Variants in RYR2 observed in about 807,000 individuals in gnomAD.
The protein encoded by RYR2 is ryanodine receptor 2.
A neutral mutation model predicts 601.1 loss-of-function variants in RYR2; 227 were observed. That is an observed-to-expected ratio of 0.38 (90% confidence interval 0.34 to 0.42). The LOEUF (loss-of-function observed/expected upper bound fraction) is 0.42. Ranked by LOEUF, RYR2 falls within the 10% of genes least tolerant of loss-of-function variation. RYR2 has a pLI of 1.00. For synonymous variants in RYR2, 2,223 were observed against 2,175.1 expected (o/e 1.02, Z -0.61); for missense variants, 4,646 against 6,156.5 (o/e 0.75, Z 8.21).
chr1:237,145,381 GC>G (rs1340254755), intron 1 of RYR2, among the ~76,000 whole-genome samples: 1 of 152,152 alleles, frequency 6.6e-6, no homozygotes, highest in African/African-American at 2.4e-5. Flanking sequence ...GAATATATAA[GC>G]ATATATCCAT....
chr1:237,359,319 G>T, intron 4 of RYR2, among the ~76,000 whole-genome samples: 1 of 152,156 alleles, frequency 6.6e-6, no homozygotes, highest in Non-Finnish European at 1.5e-5. Flanking sequence ...TCAAAATACA[G>T]TTCCTGCTGA....
At chr1:237,239,415 C>T (rs1029589894) in intron 1 of RYR2, among the ~76,000 whole-genome samples, 1 of 152,074 alleles carries the variant, frequency 6.6e-6, no homozygotes, top group Non-Finnish European at 1.5e-5. Flanking sequence ...CTTGAGGAGG[C>T]GGTGTCTGAT....
intron 1 of RYR2, among the ~76,000 whole-genome samples, chr1:237,263,406 C>T (rs751415711): frequency 1.4e-4 from 21 of 152,152 alleles, no homozygotes; most frequent in Non-Finnish European, 2.5e-4. Context: ...TGTTCCTGCT[C>T]TCACACAGAT....
At chr1:237,754,511 G>A (rs1195356144) in intron 80 of RYR2, among the ~76,000 whole-genome samples, 2 of 152,116 alleles carry the variant, frequency 1.3e-5, no homozygotes, top group African/African-American at 4.8e-5. Flanking sequence ...GTCTTTATGT[G>A]TTCTATTAGG....
intron 41 of RYR2, among the ~76,000 whole-genome samples, chr1:237,630,793 C>T (rs947416616): frequency 6.6e-6 from 1 of 152,072 alleles, no homozygotes; most frequent in South Asian, 2.1e-4. Flanking sequence ...AATGATAATA[C>T]GAGACATTTT....
chr1:237,596,795 A>G (rs1018974947), intron 34 of RYR2, among the ~76,000 whole-genome samples: 1 of 152,228 alleles, frequency 6.6e-6, no homozygotes, highest in Non-Finnish European at 1.5e-5. Flanking sequence ...TTGGATTTCC[A>G]TTTGACTATC....
intron 1 of RYR2, among the ~76,000 whole-genome samples, chr1:237,165,860 G>A (rs377574417): frequency 6.6e-6 from 1 of 152,036 alleles, no homozygotes; most frequent in African/African-American, 2.4e-5. Context: ...AAATTAGCCA[G>A]GCCTGGTGGC....
At chr1:237,088,337 G>A (rs1666586458) in intron 1 of RYR2, among the ~76,000 whole-genome samples, 1 of 152,160 alleles carries the variant, frequency 6.6e-6, no homozygotes, top group African/African-American at 2.4e-5. Context: ...GAGAGATAAA[G>A]AGAGATAGGA....
At chr1:237,617,909 T>C (rs1678651017) in intron 38 of RYR2, among the ~76,000 whole-genome samples, 1 of 152,146 alleles carries the variant, frequency 6.6e-6, no homozygotes, top group African/African-American at 2.4e-5. Context: ...TACCTGCTTG[T>C]GGTTTCTTCC....
At chr1:237,607,453 A>G (rs992624341) in intron 35 of RYR2, among the ~76,000 whole-genome samples, 3 of 152,184 alleles carry the variant, frequency 2.0e-5, no homozygotes, top group Non-Finnish European at 4.4e-5. Context: ...GAGGGATAGC[A>G]TTAGGAGATA....
rs748775701 is a variant in RYR2, at chr1:237,648,627, G to A, written c.7512+14G>A. On this transcript the variant is annotated intron_variant, in intron 49 of 104. Transcript: ENST00000366574. The stretch of plus-strand genomic sequence containing the variant: ...TCTTTAGATACGGTGAGATTGGAGC[G>A]ATGGACTTCCTCCTCTCTTGACTCT... 13 of 1,601,964 alleles carry A rather than the reference G, an allele frequency of 8.1e-6. No homozygotes were observed. The highest frequency in any genetic ancestry group is 2.2e-5 in the East Asian group (1 of 44,728).
chr1:237,231,530 C>T (rs935054288), intron 1 of RYR2, among the ~76,000 whole-genome samples: 1 of 152,148 alleles, frequency 6.6e-6, no homozygotes, highest in African/African-American at 2.4e-5. Context: ...AGAGGGTAGA[C>T]ATGGCTTATT....
At chr1:237,687,338 C>T (rs1686487711) in intron 62 of RYR2, 117 bp from the exon 63 acceptor site, 1 of 659,282 alleles carries the variant, frequency 1.5e-6, no homozygotes, top group South Asian at 1.8e-5. Flanking sequence ...GCTCATATAT[C>T]AGCTGTTTTT....
rs1419606309 is a variant in RYR2 at position 237,821,611 on chromosome 1, T to G, written c.14590+2419T>G. Reference sequence around the variant, plus strand: ...TGAAAATTCCAAAAACTGGAACACCTCCTCTCCTCCAAAGTATCACAACTC... The same window carrying G: ...TGAAAATTCCAAAAACTGGAACACCGCCTCTCCTCCAAAGTATCACAACTC... On this transcript the variant is annotated intron_variant, in intron 101 of 104. Transcript: ENST00000366574. Among the ~76,000 whole-genome samples the G allele has an allele frequency of 2.6e-5, 4 of 151,762 alleles. No homozygotes were observed. The South Asian group carries it at 8.3e-4, about 32-fold the overall frequency.
intron 2 of RYR2, among the ~76,000 whole-genome samples, chr1:237,276,761 A>G (rs996897899): frequency 2.6e-4 from 40 of 152,216 alleles, no homozygotes; most frequent in African/African-American, 9.4e-4. Context: ...GAAAATAAAA[A>G]TTTACCACAT....
intron 35 of RYR2, among the ~76,000 whole-genome samples, chr1:237,604,366 G>C (rs56293078): frequency 6.6e-6 from 1 of 151,658 alleles, no homozygotes; most frequent in African/African-American, 2.4e-5. Flanking sequence ...GATGTTCTTT[G>C]AAACCAACGA....
chr1:237,402,862 G>GGA (rs1703491936), intron 10 of RYR2, among the ~76,000 whole-genome samples: 1 of 11,422 alleles, frequency 8.8e-5, no homozygotes, highest in Non-Finnish European at 2.6e-4. Context: ...GCTCACTGCA[G>GGA]CCTCGATGTC....
chr1:237,213,807 A>G (rs1210794502), intron 1 of RYR2, among the ~76,000 whole-genome samples: 1 of 150,970 alleles, frequency 6.6e-6, no homozygotes, highest in Non-Finnish European at 1.5e-5. Context: ...TAAATCTTTA[A>G]CCTATCTGAA....
Position 237,387,997 on chromosome 1 carries a change from A to G in RYR2, c.677-90A>G, listed in dbSNP as rs141509355. 223 of 1,200,560 alleles carry G rather than the reference A, an allele frequency of 1.9e-4. No homozygotes were observed. In the African/African-American group the frequency reaches 2.7e-3, roughly 14 times the overall value. The allele number at this position is 1,200,560 out of a possible 1,614,324, so 74.4% of individuals were successfully genotyped here. On this transcript the variant is annotated intron_variant, in intron 9 of 104. Transcript: ENST00000366574. Reference sequence around the variant, plus strand: ...AGACTCACTAGACTTCAGTTTCTTTACGAAAGTAGAAGATTGGACCAGATG... The same window carrying G: ...AGACTCACTAGACTTCAGTTTCTTTGCGAAAGTAGAAGATTGGACCAGATG...
Sources: allele counts gnomAD v4.1 joint callset (sites outside exome capture counted in the v4.1 genomes callset), GRCh38; gene constraint gnomAD v4.1.1; transcripts MANE v1.5; gene names NCBI Gene and HGNC (gene_info 2026-07-23, HGNC 2026-07-21).